SIK3: variants seen among roughly 807,000 people sequenced by gnomAD.
SIK3 encodes SIK family kinase 3, also known as serine/threonine-protein kinase SIK3.
A neutral mutation model predicts 144.2 loss-of-function variants in SIK3; 28 were observed. The ratio of observed to expected loss-of-function variants is 0.19; its 90% CI spans 0.14 to 0.27. The LOEUF (loss-of-function observed/expected upper bound fraction) is 0.27, where lower values mean the gene tolerates loss of function less well. Among genes scored for constraint, SIK3 ranks in the 10% least tolerant of loss-of-function variants. The pLI, the probability that SIK3 is intolerant of heterozygous loss-of-function variation, is 1.00. For missense variants in SIK3, 1,319 were observed against 1,776.0 expected, an observed-to-expected ratio of 0.74 and a Z score of 4.62; for synonymous variants, 686 against 676.3, an observed-to-expected ratio of 1.01 and a Z score of -0.22.
At chr11:116,857,134 G>C (rs1035237) in intron 21 of SIK3, 128,853 of 152,242 alleles carry the variant, frequency 0.85, 55,189 homozygotes, top group African/African-American at 0.89. Context: ...GATAATGGGG[G>C]CCCTTATGAT....
At position 116,957,078 on chromosome 11, in the gene SIK3, G is replaced by A. The variant is rs1949166459; in HGVS notation, c.274-14C>T. On this transcript the variant is annotated splice_polypyrimidine_tract_variant and intron_variant, in intron 1 of 24. Coordinates refer to ENST00000445177, the MANE Select transcript of SIK3 (RefSeq NM_001366686.3). ...CTTGATAGCAACCTGACAACAGAGG[G>A]AAAAAAATTACTCTGATGCATTATT... 3 of 1,497,430 alleles carry A rather than the reference G, an allele frequency of 2.0e-6. No homozygotes were observed. Among genetic ancestry groups the A allele is most frequent in the Non-Finnish European group, 9.1e-7 (1 of 1,103,150 alleles). 92.8% of individuals were successfully genotyped at this position (1,497,430 alleles called of 1,614,324 possible).
At chr11:117,026,792 T>G (rs1345766513) in intron 1 of SIK3, among the ~76,000 whole-genome samples, 1 of 152,194 alleles carries the variant, frequency 6.6e-6, no homozygotes, top group Non-Finnish European at 1.5e-5. Context: ...GCTCTCCAGC[T>G]GCTAAGCTGT....
chr11:117,023,113 T>C (rs1444384671), intron 1 of SIK3, among the ~76,000 whole-genome samples: 1 of 152,192 alleles, frequency 6.6e-6, no homozygotes, highest in Non-Finnish European at 1.5e-5. Flanking sequence ...TTTCACTTTT[T>C]GAAATAACTC....
At chr11:116,862,174 T>C (rs776645873) in intron 17 of SIK3, 28 bp downstream of exon 17, 2 of 1,613,974 alleles carry the variant, frequency 1.2e-6, no homozygotes, top group Non-Finnish European at 8.5e-7. Flanking sequence ...TCCAAACAAG[T>C]TGGAGAAAGC....
chr11:116,847,381 TGA>T, intron 23 of SIK3, 93 bp downstream of exon 23: 1 of 1,545,278 alleles, frequency 6.5e-7, no homozygotes, highest in Non-Finnish European at 8.9e-7. Context: ...TACCTCCCCA[TGA>T]GCTCTTCCTA....
At chr11:116,848,220 G>A (rs1388292324) in intron 22 of SIK3, among the ~76,000 whole-genome samples, 4 of 152,130 alleles carry the variant, frequency 2.6e-5, no homozygotes, top group South Asian at 4.1e-4. Context: ...GGTGGCGGGC[G>A]CCTGTAGTCC....
Position 117,065,629 on chromosome 11 carries a change from T to A in SIK3, c.273+32514A>T, listed in dbSNP as rs1565609862. Among the ~76,000 whole-genome samples, 9 of 147,986 alleles carry A rather than the reference T, an allele frequency of 6.1e-5. No homozygotes were observed. The South Asian group carries it at 1.9e-3, about 32-fold the overall frequency. On this transcript the variant is annotated intron_variant, in intron 1 of 24. Transcript: ENST00000445177. Reference sequence around the variant, plus strand: ...CAATATCTTCAAATTTAAAAATAACTTTCATAAATTGATTTTTTTTTTTTT... The same window carrying A: ...CAATATCTTCAAATTTAAAAATAACATTCATAAATTGATTTTTTTTTTTTT...
intron 1 of SIK3, among the ~76,000 whole-genome samples, chr11:116,974,907 A>T (rs1949892215): frequency 6.6e-6 from 1 of 152,174 alleles, no homozygotes; most frequent in Non-Finnish European, 1.5e-5. Flanking sequence ...AGCAAAAGCT[A>T]AGTGAACTGT....
chr11:116,859,990 G>T (rs1057273770), intron 19 of SIK3, among the ~76,000 whole-genome samples: 1 of 152,206 alleles, frequency 6.6e-6, no homozygotes, highest in African/African-American at 2.4e-5. Context: ...GCTCACACCT[G>T]TAATCCCAGC....
At chr11:117,076,558 A>T (rs1954547829) in intron 1 of SIK3, among the ~76,000 whole-genome samples, 1 of 151,342 alleles carries the variant, frequency 6.6e-6, no homozygotes, top group Non-Finnish European at 1.5e-5. Flanking sequence ...ATGGAGTCTC[A>T]CTCTGTCACC....
chr11:117,082,379 CCCA>C (rs144977225), intron 1 of SIK3, among the ~76,000 whole-genome samples: 59,448 of 151,746 alleles, frequency 0.39, 14,757 homozygotes, highest in African/African-American at 0.71. Flanking sequence ...AGAAACAATG[CCCA>C]CCAATTCATG....
Position 116,849,025 on chromosome 11 carries a change from G to A in SIK3, c.3819+95C>T. The stretch of plus-strand genomic sequence containing the variant: ...AGAAAGGCTGAATGCTGACTGAGGA[G>A]AGCGGCCAAGAGAGGCTACCCCACA... On this transcript the variant is annotated intron_variant, in intron 22 of 24. Transcript: ENST00000445177. The surrounding 1 kb of genome is among the most constrained non-coding windows in gnomAD (Gnocchi z 4.2). 1.5e-6 allele frequency: 2 copies of A among 1,348,446 alleles called. No individual in the cohort carries two copies. Among genetic ancestry groups the A allele is most frequent in the Non-Finnish European group, 2.0e-6 (2 of 1,004,166 alleles). 83.5% of individuals were successfully genotyped at this position (1,348,446 alleles called of 1,614,324 possible).
intron 7 of SIK3, 97 bp downstream of exon 7, chr11:116,876,827 T>C: frequency 1.1e-6 from 1 of 944,168 alleles, no homozygotes; most frequent in Non-Finnish European, 1.7e-6. Context: ...TTGTTCCCAG[T>C]GTCCGCCTTT....
chr11:117,009,375 G>A (rs1285563275), intron 1 of SIK3, among the ~76,000 whole-genome samples: 11 of 151,968 alleles, frequency 7.2e-5, no homozygotes, highest in Admixed American at 7.2e-4. Flanking sequence ...GCAAGACCCT[G>A]TCTCTACAAA....
Position 116,849,289 on chromosome 11 carries a change from G to A in SIK3, c.3656-6C>T, listed in dbSNP as rs752229851. The A allele has an allele frequency of 3.7e-6, 6 of 1,613,998 alleles. No individual in the cohort carries two copies. Among genetic ancestry groups the A allele is most frequent in the Non-Finnish European group, 2.5e-6 (3 of 1,180,004 alleles). ...GCAGTTCCCTATGACAGGCTCTGAG[G>A]AGACACAGCAGAATAGAGTCAGTGG... is the stretch of plus-strand genomic sequence containing the variant. On this transcript the variant is annotated splice_region_variant and splice_polypyrimidine_tract_variant and intron_variant, in intron 21 of 24. Transcript: ENST00000445177. The surrounding 1 kb of genome is among the most constrained non-coding windows in gnomAD (Gnocchi z 4.2).
intron 16 of SIK3, among the ~76,000 whole-genome samples, 190 bp downstream of exon 16, chr11:116,863,478 G>T (rs887432079): frequency 6.6e-6 from 1 of 152,110 alleles, no homozygotes; most frequent in African/African-American, 2.4e-5. Context: ...ATCCTCCCAC[G>T]TTGGCCTCCC....
intron 22 of SIK3, among the ~76,000 whole-genome samples, chr11:116,848,278 C>T (rs1196777801): frequency 1.3e-5 from 2 of 152,162 alleles, no homozygotes; most frequent in African/African-American, 2.4e-5. Context: ...ACCCGGGAGG[C>T]GGAGCTTGCA....
At chr11:117,075,504 G>A (rs1333905545) in intron 1 of SIK3, among the ~76,000 whole-genome samples, 1 of 150,744 alleles carries the variant, frequency 6.6e-6, no homozygotes, top group Non-Finnish European at 1.5e-5. Flanking sequence ...GTATCTATGT[G>A]CTATGTATAT....
chr11:117,073,358 T>C (rs1003239046), intron 1 of SIK3, among the ~76,000 whole-genome samples: 2 of 149,492 alleles, frequency 1.3e-5, no homozygotes, highest in Non-Finnish European at 2.9e-5. Flanking sequence ...TCATACTTTC[T>C]GGTTATGTAC....
Sources: allele counts gnomAD v4.1 joint callset (sites outside exome capture counted in the v4.1 genomes callset), GRCh38; gene constraint gnomAD v4.1.1; non-coding constraint Gnocchi (gnomAD v3.1); transcripts MANE v1.5; gene names NCBI Gene and HGNC (gene_info 2026-07-23, HGNC 2026-07-21).